Variants in ESCO2 observed in about 807,000 individuals in gnomAD.
ESCO2 encodes the protein establishment of sister chromatid cohesion N-acetyltransferase 2.
Under a neutral mutation model 61.7 loss-of-function variants are expected in ESCO2, and 51 were observed. The ratio of observed to expected loss-of-function variants is 0.83; its 90% CI spans 0.66 to 1.04. ESCO2 has a LOEUF of 1.04. ESCO2 is among the 50% of genes least tolerant of loss of function. The pLI, the probability that ESCO2 is intolerant of heterozygous loss-of-function variation, is 0.00. For synonymous variants in ESCO2, 230 were observed against 238.2 expected, an observed-to-expected ratio of 0.97 and a Z score of 0.32; for missense variants, 692 against 686.2, an observed-to-expected ratio of 1.01 and a Z score of -0.09.
chr8:27,819,040 G>C, the ESCO2 span, among the ~76,000 whole-genome samples: 1 of 152,040 alleles, frequency 6.6e-6, no homozygotes, highest in African/African-American at 2.4e-5. Flanking sequence ...ACTATTTCCT[G>C]ACTCTCATGT....
chr8:27,773,535 A>G (rs1585386896), upstream of ESCO2: 1 of 102,708 alleles, frequency 9.7e-6, no homozygotes. Flanking sequence ...CAAACTCTAC[A>G]TTCTTTTTTT....
chr8:27,805,287 C>CAAAAAAAAAAAAAAAA (rs869039051), exon 11 of ESCO2: 1 of 46,022 alleles, frequency 2.2e-5, no homozygotes, highest in African/African-American at 1.3e-4. Context: ...GACTCCGTCT[C>CAAAAAAAAAAAAAAAA]AAAAAAAAAA....
chr8:27,773,499 G>C (rs1357870492), upstream of ESCO2: 1 of 151,846 alleles, frequency 6.6e-6, no homozygotes, highest in Non-Finnish European at 1.5e-5. Context: ...GAATCTTCTG[G>C]GCAGCTGTCC....
downstream of ESCO2, among the ~76,000 whole-genome samples, chr8:27,807,719 C>T: frequency 6.6e-6 from 1 of 151,952 alleles, no homozygotes; most frequent in East Asian, 1.9e-4. Context: ...TTAATTTTTT[C>T]CCCCCATTGG....
At chr8:27,773,700 A>G (rs1314252076), upstream of ESCO2, 1 of 152,202 alleles carries the variant, frequency 6.6e-6, no homozygotes, top group Non-Finnish European at 1.5e-5. Flanking sequence ...GAACTTTAAC[A>G]TGGCCCCTGC....
rs1333876353 is a variant in ESCO2, at chr8:27,792,000, A to G, written c.1301A>G (p.Asp434Gly). The change falls in exon 8 of 11, where the codon GAT becomes GGT. Residue 434 changes from aspartate to glycine, a missense_variant. By Grantham distance (94) the Asp-to-Gly change is moderately conservative. Coordinates refer to ENST00000305188, the MANE Select transcript of ESCO2 (RefSeq NM_001017420.3). ...GAACGTGTAGTAGCAGAGTTTTGGG[A>G]TGGGAAAATCGTGTTGGTTCTGCCA... is the stretch of plus-strand genomic sequence containing the variant. Reference protein sequence around the residue: ...KKERVVAEFWDGKIVLVLPHD... With the variant: ...KKERVVAEFWGGKIVLVLPHD... 8.1e-6 allele frequency: 13 copies of G among 1,613,892 alleles called. No homozygotes were observed. Among genetic ancestry groups the G allele is most frequent in the Non-Finnish European group, 1.1e-5 (13 of 1,180,000 alleles).
chr8:27,774,674 A>T (rs908504249), intron 1 of ESCO2, 67 bp downstream of exon 1: 3 of 152,460 alleles, frequency 2.0e-5, no homozygotes, highest in Non-Finnish European at 4.4e-5. Flanking sequence ...ACCCTGTGGA[A>T]CGTGGGGGCG....
chr8:27,817,799 G>T, the ESCO2 span, among the ~76,000 whole-genome samples: 1 of 152,070 alleles, frequency 6.6e-6, no homozygotes, highest in African/African-American at 2.4e-5. Flanking sequence ...GAAATGACTT[G>T]TGTCATTTCT....
At chr8:27,789,368 A>G (rs551272639) in intron 7 of ESCO2, among the ~76,000 whole-genome samples, 1 of 152,324 alleles carries the variant, frequency 6.6e-6, no homozygotes, top group East Asian at 1.9e-4. Context: ...CTACTCAGAT[A>G]CATTCCTTTT....
At chr8:27,806,234 T>C (rs933467220), downstream of ESCO2, among the ~76,000 whole-genome samples, 1 of 152,200 alleles carries the variant, frequency 6.6e-6, no homozygotes, top group African/African-American at 2.4e-5. Context: ...CACAGAAACA[T>C]ATTCCTATTG....
the ESCO2 span, among the ~76,000 whole-genome samples, chr8:27,818,384 G>C: frequency 1.1e-4 from 16 of 152,322 alleles, no homozygotes; most frequent in African/African-American, 3.6e-4. Flanking sequence ...CTATTCTAGA[G>C]TTGAGGATAT....
chr8:27,818,733 T>C, the ESCO2 span, among the ~76,000 whole-genome samples: 24 of 152,206 alleles, frequency 1.6e-4, no homozygotes, highest in East Asian at 4.4e-3. Context: ...CACTGTGATA[T>C]AGAATTCTTT....
Position 27,799,732 on chromosome 8 carries a change from G to A in ESCO2, c.1673+16G>A, listed in dbSNP as rs770123296. The A allele has an allele frequency of 1.9e-6, 3 of 1,613,572 alleles. No homozygotes were observed. Among genetic ancestry groups the A allele is most frequent in the Non-Finnish European group, 1.7e-6 (2 of 1,179,818 alleles). On this transcript the variant is annotated intron_variant, in intron 10 of 10. Transcript: ENST00000305188. ...ATACCCTCAGGTAAGAAATAAAATG[G>A]ATCTAGATCCAGAACCTTAGATTCA... is the stretch of plus-strand genomic sequence containing the variant.
intron 9 of ESCO2, 67 bp from the exon 10 acceptor site, chr8:27,799,474 T>A: frequency 7.0e-7 from 1 of 1,432,206 alleles, no homozygotes; most frequent in Non-Finnish European, 9.8e-7. Flanking sequence ...ATTTAAGGAA[T>A]TTTTTTTTAA....
intron 5 of ESCO2, among the ~76,000 whole-genome samples, chr8:27,785,044 G>A (rs1258473869): frequency 6.6e-6 from 1 of 152,202 alleles, no homozygotes; most frequent in African/African-American, 2.4e-5. Context: ...CATGGACTAG[G>A]TAATTTATAA....
downstream of ESCO2, chr8:27,810,316 T>C: frequency 6.2e-7 from 1 of 1,610,460 alleles, no homozygotes; most frequent in Non-Finnish European, 8.5e-7. Flanking sequence ...TAGACATCTG[T>C]TTCCAGAGCT....
chr8:27,785,817 A>G (rs1805028547), intron 5 of ESCO2, among the ~76,000 whole-genome samples: 1 of 152,112 alleles, frequency 6.6e-6, no homozygotes, highest in Non-Finnish European at 1.5e-5. Flanking sequence ...ACTTCAGATG[A>G]TTACAGATTC....
At chr8:27,808,287 A>G (rs1314544393), downstream of ESCO2, 2 of 1,029,128 alleles carry the variant, frequency 1.9e-6, no homozygotes, top group East Asian at 6.8e-5. Context: ...ATGGAGGCAT[A>G]ACAAGCTCCT....
Position 27,803,337 on chromosome 8 carries a change from A to G in ESCO2, c.1705A>G (p.Thr569Ala). The G allele has an allele frequency of 6.2e-7, 1 of 1,614,116 alleles. No homozygotes were observed. Among genetic ancestry groups the G allele is most frequent in the Non-Finnish European group, 8.5e-7 (1 of 1,179,998 alleles). The change falls in exon 11 of 11, where the codon ACT becomes GCT. Residue 569 changes from threonine (T) to alanine (A), a missense_variant. Thr to Ala is a moderately conservative substitution (Grantham distance 58). Coordinates refer to ENST00000305188, the MANE Select transcript of ESCO2 (RefSeq NM_001017420.3). ...NCFMFGCFLS[T>A]DEIAFSDPTP... is the part of the protein sequence containing the mutation. The stretch of plus-strand genomic sequence containing the variant: ...CTTCATGTTTGGCTGTTTTCTCAGC[A>G]CTGATGAAATAGCATTTTCTGACCC...
Sources: allele counts gnomAD v4.1 joint callset (sites outside exome capture counted in the v4.1 genomes callset), GRCh38; gene constraint gnomAD v4.1.1; transcripts MANE v1.5; gene names NCBI Gene and HGNC (gene_info 2026-07-23, HGNC 2026-07-21).